NPAS3: variants seen among roughly 807,000 people sequenced by gnomAD.
The protein encoded by NPAS3 is neuronal PAS domain protein 3.
A neutral mutation model predicts 73.1 loss-of-function variants in NPAS3; 14 were observed. The ratio of observed to expected loss-of-function variants is 0.19; its 90% CI spans 0.13 to 0.30. The LOEUF (loss-of-function observed/expected upper bound fraction) is 0.30, where lower values mean the gene tolerates loss of function less well. Among genes scored for constraint, NPAS3 ranks in the 10% least tolerant of loss-of-function variants. The pLI is 1.00. For missense variants in NPAS3, 1,096 were observed against 1,250.0 expected (o/e 0.88, Z 1.86); for synonymous variants, 620 against 541.5 (o/e 1.14, Z -2.01).
intron 5 of NPAS3, among the ~76,000 whole-genome samples, chr14:33,619,095 T>C (rs955672930): frequency 1.3e-5 from 2 of 152,254 alleles, no homozygotes; most frequent in African/African-American, 4.8e-5. Context: ...AACGTATAGA[T>C]ACCATTTCTT....
chr14:33,146,586 A>G (rs1161790537), intron 2 of NPAS3, among the ~76,000 whole-genome samples: 1 of 152,236 alleles, frequency 6.6e-6, no homozygotes, highest in Admixed American at 6.5e-5. Context: ...CTCAGAATTT[A>G]GGAGGACATG....
intron 5 of NPAS3, among the ~76,000 whole-genome samples, chr14:33,622,726 C>T (rs1195951438): frequency 6.6e-6 from 1 of 152,154 alleles, no homozygotes; most frequent in Non-Finnish European, 1.5e-5. Flanking sequence ...ATTATACAAA[C>T]TTCATCAAAT....
At chr14:33,737,200 G>A (rs2061544083) in intron 7 of NPAS3, among the ~76,000 whole-genome samples, 1 of 152,164 alleles carries the variant, frequency 6.6e-6, no homozygotes, top group African/African-American at 2.4e-5. Flanking sequence ...GGCTGATGAG[G>A]GCAGGAGGCC....
intron 4 of NPAS3, among the ~76,000 whole-genome samples, chr14:33,545,089 G>A (rs563467208): frequency 6.6e-6 from 1 of 151,654 alleles, no homozygotes; most frequent in Admixed American, 6.6e-5. Context: ...AGTAAACAAA[G>A]TCTTTCTCTC....
chr14:32,956,359 T>C (rs1293946243), intron 1 of NPAS3, among the ~76,000 whole-genome samples: 1 of 152,168 alleles, frequency 6.6e-6, no homozygotes, highest in East Asian at 1.9e-4. Flanking sequence ...GCCTTGTGTA[T>C]ATAGTACCTA....
chr14:33,547,960 T>G (rs2054924065), intron 4 of NPAS3, among the ~76,000 whole-genome samples: 1 of 152,282 alleles, frequency 6.6e-6, no homozygotes. Flanking sequence ...TCTTGTAGTC[T>G]TCTGATTCTA....
intron 5 of NPAS3, among the ~76,000 whole-genome samples, chr14:33,577,262 A>G (rs2056473103): frequency 6.6e-6 from 1 of 152,340 alleles, no homozygotes; most frequent in East Asian, 1.9e-4. Flanking sequence ...ATTTTTACAT[A>G]TAGTTATACC....
chr14:33,402,460 A>C (rs2138767174), intron 4 of NPAS3, among the ~76,000 whole-genome samples: 1 of 152,050 alleles, frequency 6.6e-6, no homozygotes, highest in Admixed American at 6.6e-5. Context: ...GAATGGTGTG[A>C]GGGACATCAT....
intron 11 of NPAS3, among the ~76,000 whole-genome samples, chr14:33,798,313 T>A (rs1014990054): frequency 7.9e-5 from 12 of 152,158 alleles, no homozygotes; most frequent in African/African-American, 2.9e-4. Flanking sequence ...TTGCTTTTCA[T>A]CCCATCCCCA....
chr14:33,739,113 C>T (rs147750492), intron 7 of NPAS3, among the ~76,000 whole-genome samples: 252 of 152,276 alleles, frequency 1.7e-3, no homozygotes, highest in African/African-American at 5.7e-3. Context: ...GACTGGCAAA[C>T]GTAGGCAAAC....
intron 3 of NPAS3, among the ~76,000 whole-genome samples, chr14:33,362,037 T>G (rs1278664649): frequency 1.3e-5 from 2 of 152,190 alleles, no homozygotes; most frequent in African/African-American, 2.4e-5. Context: ...TTCATATATA[T>G]GAAAACAATA....
At chr14:33,771,811 A>AAC (rs1296660467) in intron 7 of NPAS3, among the ~76,000 whole-genome samples, 1 of 140,146 alleles carries the variant, frequency 7.1e-6, no homozygotes, top group African/African-American at 2.9e-5. Context: ...ACTCCATCTC[A>AAC]AAAAAAAAAA....
chr14:33,769,760 T>TC (rs1214853978), intron 7 of NPAS3, among the ~76,000 whole-genome samples: 12,834 of 124,106 alleles, frequency 0.1, 886 homozygotes, highest in East Asian at 0.19. Flanking sequence ...TTTTTTCTTT[T>TC]TTTTTTTTTT....
intron 4 of NPAS3, among the ~76,000 whole-genome samples, chr14:33,498,939 T>A (rs61974987): frequency 8.2e-3 from 510 of 62,480 alleles, no homozygotes; most frequent in Middle Eastern, 0.019. Context: ...AGAGAGAGTG[T>A]GTGTGTGTGT....
chr14:33,458,154 T>G (rs1425627939), intron 4 of NPAS3, among the ~76,000 whole-genome samples: 1 of 152,208 alleles, frequency 6.6e-6, no homozygotes, highest in Non-Finnish European at 1.5e-5. Context: ...GAAAAGAGCA[T>G]TTGCTCAAGA....
At chr14:33,709,231 G>A (rs541538910) in intron 6 of NPAS3, among the ~76,000 whole-genome samples, 38 of 152,304 alleles carry the variant, frequency 2.5e-4, no homozygotes, top group East Asian at 7.7e-4. Context: ...CCCTGCGCGC[G>A]TAAGTCAGTC....
At chr14:33,746,899 C>A (rs2061822081) in intron 7 of NPAS3, among the ~76,000 whole-genome samples, 1 of 147,516 alleles carries the variant, frequency 6.8e-6, no homozygotes, top group Non-Finnish European at 1.5e-5. Flanking sequence ...CCCCCGTCCC[C>A]CCACCCCACC....
intron 1 of NPAS3, among the ~76,000 whole-genome samples, chr14:32,975,896 T>TGTGTGTGAGA (rs374916231): frequency 1.5e-3 from 212 of 142,302 alleles, no homozygotes; most frequent in African/African-American, 3.3e-3. Flanking sequence ...TGTGTGTGTG[T>TGTGTGTGAGA]GAGAGAGAGA....
At chr14:33,553,434 G>A (rs528327417) in intron 4 of NPAS3, among the ~76,000 whole-genome samples, 1 of 152,250 alleles carries the variant, frequency 6.6e-6, no homozygotes, top group South Asian at 2.1e-4. Flanking sequence ...TCACCTAAGA[G>A]GTTTCAATTT....
Sources: allele counts gnomAD v4.1 joint callset (sites outside exome capture counted in the v4.1 genomes callset), GRCh38; gene constraint gnomAD v4.1.1; transcripts MANE v1.5; gene names NCBI Gene and HGNC (gene_info 2026-07-23, HGNC 2026-07-21).